SYNPO: variants seen among roughly 807,000 people sequenced by gnomAD.
The protein encoded by SYNPO is synaptopodin.
SYNPO carries 19 observed loss-of-function variants against 49.5 expected under a neutral mutation model. That is an observed-to-expected ratio of 0.38 (90% CI 0.27 to 0.56). The LOEUF (loss-of-function observed/expected upper bound fraction) is 0.56. Ranked by LOEUF, SYNPO falls within the 20% of genes least tolerant of loss-of-function variation. The pLI is 0.68. For missense variants in SYNPO, 1,131 were observed against 1,248.3 expected, an observed-to-expected ratio of 0.91 and a Z score of 1.42; for synonymous variants, 536 against 548.0, an observed-to-expected ratio of 0.98 and a Z score of 0.31.
intron 1 of SYNPO, among the ~76,000 whole-genome samples, chr5:150,602,489 T>C (rs956716649): frequency 1.3e-5 from 2 of 152,138 alleles, no homozygotes; most frequent in African/African-American, 4.8e-5. Flanking sequence ...CAGCGGGTAG[T>C]TGGAAATAAA....
At chr5:150,655,706 G>A (rs1260121036) in intron 2 of SYNPO, among the ~76,000 whole-genome samples, 3 of 152,208 alleles carry the variant, frequency 2.0e-5, no homozygotes, top group African/African-American at 7.2e-5. Flanking sequence ...AGGCTGGAGT[G>A]CGGTGGCACG....
chr5:150,624,438 G>A (rs552449812), intron 2 of SYNPO, among the ~76,000 whole-genome samples: 2 of 152,196 alleles, frequency 1.3e-5, no homozygotes, highest in Admixed American at 1.3e-4. Flanking sequence ...CCTAGCCGAA[G>A]GAGATAGGAG....
intron 1 of SYNPO, among the ~76,000 whole-genome samples, chr5:150,604,168 G>A (rs1213005370): frequency 1.3e-5 from 2 of 152,216 alleles, no homozygotes; most frequent in East Asian, 1.9e-4. Flanking sequence ...CAAGGCCAAG[G>A]GCAAACAGAG....
At chr5:150,589,682 C>T in the SYNPO span, among the ~76,000 whole-genome samples, 9,285 of 152,250 alleles carry the variant, frequency 0.061, 1,010 homozygotes, top group African/African-American at 0.21. Flanking sequence ...TGACAGGCCC[C>T]CGTGGTCTGG....
Position 150,648,403 on chromosome 5 carries a change from A to C in SYNPO, c.128A>C (p.His43Pro). The C allele has an allele frequency of 6.2e-7, 1 of 1,614,148 alleles. No homozygotes were observed. The highest frequency in any genetic ancestry group is 8.5e-7 in the Non-Finnish European group (1 of 1,180,016). Residue 43 changes from histidine to proline, a missense_variant, in exon 2 of 3, where the codon CAC becomes CCC. By Grantham distance (77) the His-to-Pro change is moderately conservative (BLOSUM62 -2). Around this residue, in one of 4 missense-constraint regions of SYNPO, gnomAD observed 602 missense variants for 720.7 expected, o/e 0.84. Transcript: ENST00000307662. This position sits in a 1 kb window ranked among gnomAD's most constrained non-coding sequence, Gnocchi z 5.0. Reference protein sequence around the residue: ...NAALLTANGLHLSQNREAQQS... With the variant: ...NAALLTANGLPLSQNREAQQS... The stretch of plus-strand genomic sequence containing the variant: ...GCACTGCTGACAGCCAATGGGCTGC[A>C]CCTGTCCCAAAACCGAGAGGCCCAG...
Position 150,657,086 on chromosome 5 carries a change from A to G in SYNPO, c.2711A>G (p.Ter904TrpextTer18). 6.3e-7 allele frequency: 1 copy of G among 1,575,048 alleles called. No homozygotes were observed. The highest frequency in any genetic ancestry group is 8.6e-7 in the Non-Finnish European group (1 of 1,159,314). The change falls in exon 3 of 3, where the codon TAG (stop) becomes TGG (tryptophan). Residue 904 changes from the stop codon to tryptophan (W), a stop_lost. Transcript: ENST00000307662. ...SLPAEASCTT[*>W] ...CCCGCCGAGGCCTCCTGCACCACCT[A>G]GAGCCCCACCCCCGACCCCACCCCG...
chr5:150,647,902 T>C (rs1341931435), intron 1 of SYNPO, 42 bp from the exon 2 acceptor site: 1 of 1,527,562 alleles, frequency 6.5e-7, no homozygotes, highest in South Asian at 1.2e-5. Flanking sequence ...CCTGTGTCAC[T>C]GCATTCCTGT....
At chr5:150,599,898 T>C (rs1483021019), upstream of SYNPO, among the ~76,000 whole-genome samples, 6 of 152,146 alleles carry the variant, frequency 3.9e-5, no homozygotes, top group Admixed American at 3.9e-4. Context: ...GATTGAATTC[T>C]AACAGGAGAG....
intron 2 of SYNPO, among the ~76,000 whole-genome samples, chr5:150,655,539 C>T (rs1037925170): frequency 6.6e-6 from 1 of 152,242 alleles, no homozygotes; most frequent in Admixed American, 6.5e-5. Context: ...GAAAGCTTCC[C>T]GGGATGTGCC....
At chr5:150,621,629 T>C (rs1431387097) in intron 2 of SYNPO, among the ~76,000 whole-genome samples, 1 of 152,206 alleles carries the variant, frequency 6.6e-6, no homozygotes, top group Non-Finnish European at 1.5e-5. Context: ...CCTTCCGCAA[T>C]TGTACCTGCC....
intron 1 of SYNPO, among the ~76,000 whole-genome samples, chr5:150,609,803 G>T (rs1756799248): frequency 6.6e-6 from 1 of 151,732 alleles, no homozygotes; most frequent in African/African-American, 2.4e-5. Flanking sequence ...GGGCAGTGTG[G>T]AGCAGTCTCA....
chr5:150,629,858 A>C (rs1581481381), intron 2 of SYNPO, among the ~76,000 whole-genome samples: 2 of 152,256 alleles, frequency 1.3e-5, no homozygotes, highest in East Asian at 3.9e-4. Context: ...CCAAGGTCGC[A>C]CACCTGGTAA....
In SYNPO at chr5:150,657,432, TCACACACACACA is replaced by T. The variant is rs58828199; in HGVS notation, c.*379_*390del. The T allele has an allele frequency of 0.015, 2,092 of 139,720 alleles. 53 individuals are homozygous for T. The highest frequency in any genetic ancestry group is 0.053 in the African/African-American group (1,881 of 35,190). The allele number at this position is 139,720 out of a possible 1,614,324, so 8.7% of individuals were successfully genotyped here. On this transcript the variant is annotated 3_prime_UTR_variant, in exon 3 of 3. Coordinates refer to ENST00000307662, the MANE Select transcript of SYNPO (RefSeq NM_007286.6). ...CTCTCTCTTTCTCTCTCTCTCTCTCTCACACACACACACACACACACACACACACACACACAC... is the reference window on the plus strand; with the variant it reads ...CTCTCTCTTTCTCTCTCTCTCTCTCTCACACACACACACACACACACACAC...
chr5:150,630,690 T>A (rs533706177), intron 2 of SYNPO, among the ~76,000 whole-genome samples: 18 of 152,280 alleles, frequency 1.2e-4, no homozygotes, highest in African/African-American at 4.3e-4. Flanking sequence ...GGCCTGAGGC[T>A]GAATGCTCCC....
At chr5:150,643,787 C>T (rs1290197925) in intron 1 of SYNPO, among the ~76,000 whole-genome samples, 1 of 152,070 alleles carries the variant, frequency 6.6e-6, no homozygotes, top group African/African-American at 2.4e-5. Context: ...CCTGCCTTGG[C>T]CCCCCAAAAT....
chr5:150,634,280 G>C (rs1290922214), intron 2 of SYNPO, among the ~76,000 whole-genome samples: 1 of 152,218 alleles, frequency 6.6e-6, no homozygotes, highest in Admixed American at 6.5e-5. Context: ...CTGGACCAGA[G>C]AGGGGAAGGA....
the SYNPO span, among the ~76,000 whole-genome samples, chr5:150,587,909 C>T: frequency 6.6e-6 from 1 of 152,192 alleles, no homozygotes; most frequent in South Asian, 2.1e-4. Flanking sequence ...GATTGGGTCT[C>T]TCCCAGGGGC....
chr5:150,642,543 A>C (rs1210241548), intron 1 of SYNPO, among the ~76,000 whole-genome samples: 3 of 144,172 alleles, frequency 2.1e-5, no homozygotes, highest in Non-Finnish European at 4.4e-5. Context: ...CACCAAGAGC[A>C]TGATCTTGAG....
intron 1 of SYNPO, among the ~76,000 whole-genome samples, chr5:150,603,053 T>C (rs1481002716): frequency 6.9e-6 from 1 of 145,066 alleles, no homozygotes; most frequent in Admixed American, 6.9e-5. Flanking sequence ...GTGTATGCTG[T>C]GAGTGCTATG....
Sources: allele counts gnomAD v4.1 joint callset (sites outside exome capture counted in the v4.1 genomes callset), GRCh38; gene constraint gnomAD v4.1.1; regional missense constraint gnomAD v4.1.1; non-coding constraint Gnocchi (gnomAD v3.1); transcripts MANE v1.5; gene names NCBI Gene and HGNC (gene_info 2026-07-23, HGNC 2026-07-21).